Variants in ASPRV1 observed in about 807,000 individuals in gnomAD.
The protein encoded by ASPRV1 is retroviral-like aspartic protease 1.
ASPRV1 carries 7 observed loss-of-function variants against 11.0 expected under a neutral mutation model. The observed-to-expected ratio is 0.64, with a 90% CI of 0.36 to 1.20. The LOEUF (loss-of-function observed/expected upper bound fraction) is 1.20. Among genes scored for constraint, ASPRV1 ranks in the 50% most tolerant of loss-of-function variants. ASPRV1 has a pLI of 0.02. For missense variants in ASPRV1, 299 were observed against 320.0 expected (o/e 0.93, Z 0.50); for synonymous variants, 136 against 138.4 (o/e 0.98, Z 0.12).
At chr2:70,041,800 T>C in the ASPRV1 span, among the ~76,000 whole-genome samples, 4 of 152,146 alleles carry the variant, frequency 2.6e-5, no homozygotes, top group Admixed American at 1.3e-4. Context: ...ACCATTGCAT[T>C]TACCACTTCC....
the ASPRV1 span, among the ~76,000 whole-genome samples, chr2:69,972,207 G>C: frequency 2.7e-5 from 4 of 145,464 alleles, no homozygotes; most frequent in Non-Finnish European, 6.0e-5. Context: ...GATTATAGGC[G>C]CCCACCACCA....
the ASPRV1 span, among the ~76,000 whole-genome samples, chr2:69,968,910 C>T: frequency 2.0e-5 from 3 of 152,242 alleles, no homozygotes; most frequent in South Asian, 2.1e-4. Context: ...TGCACCCTCC[C>T]GCCTCGTGTC....
upstream of ASPRV1, chr2:69,963,156 C>T (rs34641834): frequency 0.085 from 35,546 of 418,314 alleles, 2,130 homozygotes; most frequent in Non-Finnish European, 0.13. Context: ...CCAGCCCCTT[C>T]CACCTGATTC....
the ASPRV1 span, among the ~76,000 whole-genome samples, chr2:70,073,796 C>T: frequency 9.2e-5 from 14 of 152,056 alleles, no homozygotes; most frequent in East Asian, 3.9e-4. Flanking sequence ...ACGGCTCATC[C>T]CTTGCCCTAG....
chr2:70,082,186 T>C, the ASPRV1 span, among the ~76,000 whole-genome samples: 4 of 152,098 alleles, frequency 2.6e-5, no homozygotes, highest in East Asian at 5.8e-4. Context: ...AGTTTTGCCA[T>C]GTTGGTCAGG....
chr2:69,978,338 A>G, the ASPRV1 span, among the ~76,000 whole-genome samples: 1 of 152,172 alleles, frequency 6.6e-6, no homozygotes, highest in Non-Finnish European at 1.5e-5. Context: ...TCATCCCTGG[A>G]TAGTTGCCCC....
the ASPRV1 span, among the ~76,000 whole-genome samples, chr2:69,933,658 A>G: frequency 6.6e-6 from 1 of 152,194 alleles, no homozygotes; most frequent in Non-Finnish European, 1.5e-5. Context: ...AAGGAAGTCT[A>G]ATGCCTTGCT....
chr2:69,993,220 T>C, the ASPRV1 span, among the ~76,000 whole-genome samples: 2 of 152,176 alleles, frequency 1.3e-5, no homozygotes, highest in East Asian at 1.9e-4. Flanking sequence ...CACACCTGCC[T>C]ACCCCTCCGC....
At chr2:69,943,188 A>T in the ASPRV1 span, among the ~76,000 whole-genome samples, 1 of 152,120 alleles carries the variant, frequency 6.6e-6, no homozygotes, top group Non-Finnish European at 1.5e-5. Flanking sequence ...TACTGGTTTC[A>T]CCTGCTCGTT....
the ASPRV1 span, among the ~76,000 whole-genome samples, chr2:70,061,077 G>A: frequency 6.6e-6 from 1 of 151,984 alleles, no homozygotes; most frequent in Non-Finnish European, 1.5e-5. Context: ...CCTTCAAAAG[G>A]AGATAATGCT....
the ASPRV1 span, among the ~76,000 whole-genome samples, chr2:70,029,820 G>A: frequency 5.1e-4 from 78 of 152,234 alleles, no homozygotes; most frequent in African/African-American, 1.9e-3. Context: ...CCTAGAGGAG[G>A]CTGAGGAGGG....
the ASPRV1 span, among the ~76,000 whole-genome samples, chr2:70,013,656 A>G: frequency 6.6e-6 from 1 of 152,174 alleles, no homozygotes; most frequent in Admixed American, 6.5e-5. Flanking sequence ...TTGGGAGGCC[A>G]AGGTGGGTGG....
At chr2:70,005,190 G>T in the ASPRV1 span, among the ~76,000 whole-genome samples, 1 of 152,240 alleles carries the variant, frequency 6.6e-6, no homozygotes, top group Admixed American at 6.5e-5. Flanking sequence ...CTCCTGAGTA[G>T]CTGGGACTAC....
chr2:69,996,564 C>T, the ASPRV1 span: 1 of 387,630 alleles, frequency 2.6e-6, no homozygotes, highest in South Asian at 1.9e-5. Flanking sequence ...TGTTCCAGAA[C>T]AACAAAATGA....
chr2:70,035,177 AG>A, the ASPRV1 span, among the ~76,000 whole-genome samples: 2 of 152,196 alleles, frequency 1.3e-5, no homozygotes, highest in Non-Finnish European at 2.9e-5. Flanking sequence ...GGCGAGATCC[AG>A]GTTGCCAGTA....
the ASPRV1 span, among the ~76,000 whole-genome samples, chr2:69,953,220 C>T: frequency 1.3e-5 from 2 of 152,228 alleles, no homozygotes; most frequent in Non-Finnish European, 2.9e-5. Flanking sequence ...TGACCCAGTG[C>T]TCTGGACAGG....
chr2:70,036,621 C>T, the ASPRV1 span, among the ~76,000 whole-genome samples: 1 of 152,138 alleles, frequency 6.6e-6, no homozygotes, highest in Non-Finnish European at 1.5e-5. Context: ...TAATCTAAAA[C>T]ACACAGGATT....
At chr2:69,993,208 C>A in the ASPRV1 span, among the ~76,000 whole-genome samples, 1 of 152,316 alleles carries the variant, frequency 6.6e-6, no homozygotes, top group East Asian at 1.9e-4. Flanking sequence ...TGTCCTCAAG[C>A]CCACACCTGC....
chr2:69,937,307 A>T, the ASPRV1 span: 2 of 1,614,224 alleles, frequency 1.2e-6, no homozygotes, highest in Admixed American at 3.3e-5. Context: ...ACACCTGAAG[A>T]GGCAGCTGGA....
Sources: allele counts gnomAD v4.1 joint callset (sites outside exome capture counted in the v4.1 genomes callset), GRCh38; gene constraint gnomAD v4.1.1; transcripts MANE v1.5; gene names NCBI Gene and HGNC (gene_info 2026-07-23, HGNC 2026-07-21).